Variants in PDZD2 observed in about 807,000 individuals in gnomAD.
PDZD2 encodes PDZ domain-containing protein 2.
A neutral mutation model predicts 220.7 loss-of-function variants in PDZD2; 90 were observed. That is an observed-to-expected ratio of 0.41 (90% CI 0.34 to 0.49). PDZD2 has a LOEUF of 0.49. Among genes scored for constraint, PDZD2 ranks in the 20% least tolerant of loss-of-function variants. The probability of loss-of-function intolerance (pLI) is 0.28; values close to 1 mark genes in which losing one functional copy is unlikely to be tolerated. For synonymous variants in PDZD2, 1,375 were observed against 1,450.5 expected (o/e 0.95, Z 1.18); for missense variants, 3,174 against 3,608.5 (o/e 0.88, Z 3.08).
chr5:31,746,816 C>T (rs1750629543), intron 1 of PDZD2, among the ~76,000 whole-genome samples: 1 of 152,190 alleles, frequency 6.6e-6, no homozygotes, highest in African/African-American at 2.4e-5. Flanking sequence ...AGGTTCGTGG[C>T]AGGAGTCCCT....
At chr5:31,812,766 G>T (rs1755197757) in intron 2 of PDZD2, among the ~76,000 whole-genome samples, 3 of 152,174 alleles carry the variant, frequency 2.0e-5, no homozygotes, top group African/African-American at 4.8e-5. Flanking sequence ...AATATACAGA[G>T]ATGAGGGTCT....
chr5:31,767,824 T>G (rs1187637269), intron 1 of PDZD2, among the ~76,000 whole-genome samples: 2 of 152,234 alleles, frequency 1.3e-5, no homozygotes, highest in African/African-American at 4.8e-5. Flanking sequence ...CCATACTCCT[T>G]AAAAGGATTT....
rs553428427 is a variant in PDZD2, at chr5:31,992,899, G to A, written c.979-2677G>A. On this transcript the variant is annotated intron_variant, in intron 3 of 24. Coordinates refer to ENST00000438447, the MANE Select transcript of PDZD2 (RefSeq NM_178140.4). ...AAAAAAGCCACCATCCTACTCTCGC[G>A]TGTGCCGTGAGGCCGCCACAGGGCT... is the stretch of plus-strand genomic sequence containing the variant. Among the ~76,000 whole-genome samples, 7 of 149,336 alleles carry A rather than the reference G, an allele frequency of 4.7e-5. No homozygotes were observed. In the East Asian group the frequency reaches 9.8e-4, roughly 21 times the overall value.
At chr5:32,103,218 A>G (rs1284573957) in intron 24 of PDZD2, among the ~76,000 whole-genome samples, 1 of 152,206 alleles carries the variant, frequency 6.6e-6, no homozygotes, top group Non-Finnish European at 1.5e-5. Context: ...TCAAGGGGCA[A>G]AACAATCTGA....
At chr5:31,868,596 G>A (rs948698489) in intron 2 of PDZD2, among the ~76,000 whole-genome samples, 2 of 152,130 alleles carry the variant, frequency 1.3e-5, no homozygotes, top group African/African-American at 2.4e-5. Flanking sequence ...GGGACTGCGC[G>A]TAGTGTTCAT....
At chr5:32,045,718 C>T (rs1737881590) in intron 7 of PDZD2, among the ~76,000 whole-genome samples, 1 of 151,686 alleles carries the variant, frequency 6.6e-6, no homozygotes, top group Admixed American at 6.6e-5. Context: ...TGAGTCACCG[C>T]GCCCAGCCTA....
intron 1 of PDZD2, among the ~76,000 whole-genome samples, chr5:31,699,775 T>C (rs958375877): frequency 3.0e-4 from 42 of 139,614 alleles, no homozygotes; most frequent in Non-Finnish European, 9.4e-5. Context: ...CTGTTTTTTT[T>C]TGTTTGTTTT....
intron 1 of PDZD2, among the ~76,000 whole-genome samples, chr5:31,761,490 G>GA (rs375111289): frequency 0.016 from 2,443 of 151,434 alleles, 49 homozygotes; most frequent in African/African-American, 0.054. Context: ...ATTCTCGGGG[G>GA]AAAAAAAATG....
intron 1 of PDZD2, among the ~76,000 whole-genome samples, chr5:31,670,522 T>G (rs253940): frequency 0.29 from 44,112 of 151,988 alleles, 6,544 homozygotes; most frequent in East Asian, 0.53. Flanking sequence ...GTTCAAACGA[T>G]GCTCCTGCCT....
At chr5:31,722,714 G>C (rs1748879129) in intron 1 of PDZD2, among the ~76,000 whole-genome samples, 1 of 150,272 alleles carries the variant, frequency 6.7e-6, no homozygotes, top group South Asian at 2.1e-4. Flanking sequence ...TTTTGAGACA[G>C]AATCTCATTC....
At chr5:32,024,900 T>C (rs1754511125) in intron 6 of PDZD2, among the ~76,000 whole-genome samples, 1 of 152,188 alleles carries the variant, frequency 6.6e-6, no homozygotes. Flanking sequence ...TAAATGGGCA[T>C]GACTGTGTTC....
chr5:32,008,565 A>G (rs1465965316), intron 5 of PDZD2, among the ~76,000 whole-genome samples: 3 of 152,166 alleles, frequency 2.0e-5, no homozygotes, highest in African/African-American at 7.2e-5. Context: ...GATTACAGGC[A>G]TGAGCCACTG....
chr5:31,850,238 A>ATG (rs1426094930), intron 2 of PDZD2, among the ~76,000 whole-genome samples: 1 of 119,922 alleles, frequency 8.3e-6, no homozygotes, highest in Non-Finnish European at 1.7e-5. Context: ...ATATATATAT[A>ATG]TATATACACA....
chr5:32,037,415 A>G (rs1755645795), intron 7 of PDZD2, 73 bp downstream of exon 7: 2 of 840,290 alleles, frequency 2.4e-6, no homozygotes. Context: ...AGATGAAGCC[A>G]TTGCCGGGAT....
rs560009471 is a variant in PDZD2 at position 31,811,635 on chromosome 5, C to T, written c.476+11911C>T. ...CCTTGGGATCACAAATGTATCTTCA[C>T]AAATATTCCTGAAAGGAGGCCTGAA... is the stretch of plus-strand genomic sequence containing the variant. On this transcript the variant is annotated intron_variant, in intron 2 of 24. Transcript: ENST00000438447. 1.6e-3 allele frequency among the ~76,000 whole-genome samples: 251 copies of T among 152,244 alleles called. 1 individual carries two copies. The highest frequency in any genetic ancestry group is 5.9e-3 in the African/African-American group (245 of 41,558).
intron 2 of PDZD2, among the ~76,000 whole-genome samples, chr5:31,947,321 C>T (rs964362161): frequency 5.3e-5 from 8 of 152,148 alleles, no homozygotes; most frequent in African/African-American, 1.9e-4. Context: ...ATGCAGGGTA[C>T]AGAAACAAAT....
At chr5:31,902,223 T>A (rs1742165908) in intron 2 of PDZD2, among the ~76,000 whole-genome samples, 1 of 152,200 alleles carries the variant, frequency 6.6e-6, no homozygotes, top group Admixed American at 6.5e-5. Flanking sequence ...GGGTTTCAGT[T>A]TCTGTACATC....
At chr5:31,689,075 G>A (rs911108494) in intron 1 of PDZD2, among the ~76,000 whole-genome samples, 5 of 151,796 alleles carry the variant, frequency 3.3e-5, no homozygotes, top group Admixed American at 1.3e-4. Flanking sequence ...GTTTTTTGGG[G>A]GGTTTTTATT....
intron 2 of PDZD2, among the ~76,000 whole-genome samples, chr5:31,960,844 T>C (rs1748158350): frequency 6.6e-6 from 1 of 152,208 alleles, no homozygotes; most frequent in Non-Finnish European, 1.5e-5. Context: ...TTTTATGCTA[T>C]GTAATATTTT....
Sources: gnomAD v4.1 joint callset for allele counts (sites outside exome capture counted in the v4.1 genomes callset) on GRCh38, gnomAD v4.1.1 for gene constraint, MANE v1.5 for transcripts, NCBI Gene and HGNC (gene_info 2026-07-23, HGNC 2026-07-21) for gene names.